KCNIP4: variants seen among roughly 807,000 people sequenced by gnomAD.
KCNIP4 encodes Kv channel-interacting protein 4.
A neutral mutation model predicts 34.0 loss-of-function variants in KCNIP4; 12 were observed. The ratio of observed to expected loss-of-function variants is 0.35; its 90% CI spans 0.23 to 0.57. The LOEUF (loss-of-function observed/expected upper bound fraction) is 0.57. Among genes scored for constraint, KCNIP4 ranks in the 20% least tolerant of loss-of-function variants. KCNIP4 has a pLI of 0.83. For synonymous variants in KCNIP4, 124 were observed against 102.2 expected, an observed-to-expected ratio of 1.21 and a Z score of -1.29; for missense variants, 238 against 311.7, an observed-to-expected ratio of 0.76 and a Z score of 1.78.
At chr4:21,253,192 C>T (rs1444748861) in intron 1 of KCNIP4, among the ~76,000 whole-genome samples, 1 of 152,150 alleles carries the variant, frequency 6.6e-6, no homozygotes, top group Non-Finnish European at 1.5e-5. Flanking sequence ...TTTACCTGGA[C>T]ATATGAATGC....
intron 1 of KCNIP4, among the ~76,000 whole-genome samples, chr4:20,987,889 T>A (rs1360042734): frequency 6.7e-6 from 1 of 149,248 alleles, no homozygotes; most frequent in Middle Eastern, 3.5e-3. Flanking sequence ...TAGTCCCAGC[T>A]ATTCGGGAGG....
intron 1 of KCNIP4, among the ~76,000 whole-genome samples, chr4:20,887,926 C>A (rs1002991274): frequency 2.0e-5 from 3 of 151,960 alleles, no homozygotes; most frequent in African/African-American, 7.2e-5. Flanking sequence ...TGTAAAATTT[C>A]TGACAATAAT....
At chr4:21,241,757 A>G (rs1315181010) in intron 1 of KCNIP4, among the ~76,000 whole-genome samples, 1 of 152,188 alleles carries the variant, frequency 6.6e-6, no homozygotes, top group African/African-American at 2.4e-5. Context: ...ACCAGCTAGA[A>G]GTTCCAGGGC....
chr4:20,955,158 C>T (rs564433581), intron 1 of KCNIP4, among the ~76,000 whole-genome samples: 20 of 152,298 alleles, frequency 1.3e-4, no homozygotes, highest in African/African-American at 4.3e-4. Context: ...GGGGTTGTTA[C>T]TAGAAGCCTC....
chr4:21,096,279 T>C (rs1313562040), intron 1 of KCNIP4, among the ~76,000 whole-genome samples: 1 of 152,200 alleles, frequency 6.6e-6, no homozygotes, highest in Non-Finnish European at 1.5e-5. Flanking sequence ...TCTATTTCAC[T>C]TGCATAGAAA....
At chr4:21,669,151 TC>T (rs1749265980) in intron 1 of KCNIP4, among the ~76,000 whole-genome samples, 1 of 148,128 alleles carries the variant, frequency 6.8e-6, no homozygotes, top group African/African-American at 2.4e-5. Context: ...CTTCCTTCCT[TC>T]CAAGACAGGG....
intron 1 of KCNIP4, among the ~76,000 whole-genome samples, chr4:20,902,233 G>T (rs1197398209): frequency 6.6e-6 from 1 of 152,086 alleles, no homozygotes; most frequent in Non-Finnish European, 1.5e-5. Context: ...TAAAATCTGT[G>T]GAACAACTGA....
At chr4:21,546,447 T>C (rs1738157611) in intron 1 of KCNIP4, among the ~76,000 whole-genome samples, 1 of 152,128 alleles carries the variant, frequency 6.6e-6, no homozygotes, top group Non-Finnish European at 1.5e-5. Context: ...CCAAGACAGA[T>C]AGATGTAATT....
intron 3 of KCNIP4, among the ~76,000 whole-genome samples, chr4:20,800,391 A>C (rs536401207): frequency 4.5e-4 from 69 of 152,374 alleles, no homozygotes; most frequent in African/African-American, 1.6e-3. Context: ...AGGAAACATG[A>C]CATCACCAAA....
At chr4:21,664,379 C>G (rs963164334) in intron 1 of KCNIP4, among the ~76,000 whole-genome samples, 10 of 150,378 alleles carry the variant, frequency 6.6e-5, no homozygotes, top group African/African-American at 2.2e-4. Flanking sequence ...GCAACCAAAA[C>G]AAACACTCTC....
At chr4:20,997,457 C>T (rs778617807) in intron 1 of KCNIP4, among the ~76,000 whole-genome samples, 14 of 152,086 alleles carry the variant, frequency 9.2e-5, no homozygotes, top group Non-Finnish European at 1.8e-4. Flanking sequence ...ACATGTTGGA[C>T]GTATTCTTCA....
intron 1 of KCNIP4, among the ~76,000 whole-genome samples, chr4:21,713,263 G>A (rs1413660728): frequency 6.6e-6 from 1 of 152,156 alleles, no homozygotes; most frequent in East Asian, 1.9e-4. Flanking sequence ...TACTGCTGCT[G>A]TTTCTACTAG....
chr4:21,670,352 A>G (rs1437166830), intron 1 of KCNIP4, among the ~76,000 whole-genome samples: 2 of 145,348 alleles, frequency 1.4e-5, no homozygotes, highest in Non-Finnish European at 3.0e-5. Flanking sequence ...ATCCTCACTC[A>G]TAGGTGGGAA....
intron 2 of KCNIP4, among the ~76,000 whole-genome samples, chr4:20,855,141 G>A (rs1231965806): frequency 2.6e-5 from 4 of 152,140 alleles, no homozygotes; most frequent in Admixed American, 6.5e-5. Flanking sequence ...TTGCCCTAGG[G>A]TCATGTAAGC....
chr4:21,361,937 A>G (rs916896773), intron 1 of KCNIP4, among the ~76,000 whole-genome samples: 1 of 152,016 alleles, frequency 6.6e-6, no homozygotes, highest in Non-Finnish European at 1.5e-5. Context: ...CTCTTTTCAA[A>G]ACTCCTCTAT....
intron 1 of KCNIP4, among the ~76,000 whole-genome samples, chr4:21,491,436 G>A (rs755638562): frequency 3.3e-5 from 5 of 152,098 alleles, no homozygotes; most frequent in Admixed American, 6.6e-5. Flanking sequence ...GTGCAATGGT[G>A]TGATCATAGT....
chr4:20,798,547 A>G (rs1039752318), intron 3 of KCNIP4, among the ~76,000 whole-genome samples: 2 of 151,158 alleles, frequency 1.3e-5, no homozygotes, highest in African/African-American at 4.9e-5. Context: ...ACAGACACAC[A>G]AAAAAGCTAT....
At chr4:21,911,426 G>A (rs766158376) in intron 1 of KCNIP4, among the ~76,000 whole-genome samples, 2 of 150,134 alleles carry the variant, frequency 1.3e-5, no homozygotes, top group Non-Finnish European at 2.9e-5. Context: ...CTATGTCCAT[G>A]CAATGAAACC....
intron 1 of KCNIP4, among the ~76,000 whole-genome samples, chr4:21,388,303 A>T (rs1341696386): frequency 6.6e-6 from 1 of 150,772 alleles, no homozygotes; most frequent in Non-Finnish European, 1.5e-5. Flanking sequence ...TAATTTTAAA[A>T]AGCCTCAACT....
Sources: gnomAD v4.1 joint callset for allele counts (sites outside exome capture counted in the v4.1 genomes callset) on GRCh38, gnomAD v4.1.1 for gene constraint, MANE v1.5 for transcripts, NCBI Gene and HGNC (gene_info 2026-07-23, HGNC 2026-07-21) for gene names.